MCTP1: variants seen among roughly 807,000 people sequenced by gnomAD.
MCTP1 encodes multiple C2 and transmembrane domain-containing protein 1.
In MCTP1, 69 loss-of-function variants were observed where a neutral mutation model predicts 120.6. The observed-to-expected ratio is 0.57, with a 90% confidence interval of 0.47 to 0.70. The LOEUF (loss-of-function observed/expected upper bound fraction) is 0.70. Ranked by LOEUF, MCTP1 falls within the 30% of genes least tolerant of loss-of-function variation. The pLI is 0.00. For missense variants in MCTP1, 1,203 were observed against 1,248.8 expected (o/e 0.96, Z 0.55); for synonymous variants, 529 against 493.1 (o/e 1.07, Z -0.96).
intron 19 of MCTP1, among the ~76,000 whole-genome samples, chr5:94,733,144 T>C (rs1225383315): frequency 2.6e-5 from 4 of 152,220 alleles, no homozygotes; most frequent in African/African-American, 9.6e-5. Flanking sequence ...TGGAAAATCA[T>C]TTTCAAAGTT....
chr5:95,004,962 G>A (rs1199716513), intron 2 of MCTP1, among the ~76,000 whole-genome samples: 2 of 152,170 alleles, frequency 1.3e-5, no homozygotes, highest in Non-Finnish European at 2.9e-5. Flanking sequence ...CATGTTCCTG[G>A]AAAAGCCGCA....
chr5:94,861,164 A>G (rs1309703500), intron 17 of MCTP1, among the ~76,000 whole-genome samples: 1 of 151,826 alleles, frequency 6.6e-6, no homozygotes, highest in Non-Finnish European at 1.5e-5. Flanking sequence ...GGCAAAGTAC[A>G]AGATGCACCA....
At chr5:95,244,141 A>C (rs895786776) in intron 1 of MCTP1, among the ~76,000 whole-genome samples, 2 of 152,254 alleles carry the variant, frequency 1.3e-5, no homozygotes, top group Admixed American at 1.3e-4. Context: ...GTTGCTTCCA[A>C]GATGGCTGAA....
intron 19 of MCTP1, among the ~76,000 whole-genome samples, chr5:94,725,768 A>G (rs1186440379): frequency 6.6e-6 from 1 of 152,164 alleles, no homozygotes; most frequent in Admixed American, 6.6e-5. Flanking sequence ...TAACTTCTTC[A>G]TCTGTAAAAT....
chr5:95,258,159 C>A lies in MCTP1; in HGVS notation c.720+25697G>T, dbSNP rs1401146429. Among the ~76,000 whole-genome samples the A allele has an allele frequency of 3.3e-5, 5 of 152,244 alleles. No homozygotes were observed. The East Asian group carries it at 9.6e-4, about 29-fold the overall frequency. ...TATGGAAAATGGGGTGGGGTGAGGG[C>A]AGGTAAAGTGCTGAATAACTTTACA... is the stretch of plus-strand genomic sequence containing the variant. On this transcript the variant is annotated intron_variant, in intron 1 of 22. Transcript: ENST00000515393.
chr5:95,088,176 G>A (rs1198198190), intron 1 of MCTP1, among the ~76,000 whole-genome samples: 4 of 152,174 alleles, frequency 2.6e-5, no homozygotes, highest in South Asian at 2.1e-4. Context: ...CTGGGCCCAC[G>A]GGGCTTTGGG....
chr5:94,871,263 T>C (rs1797807168), intron 14 of MCTP1, 52 bp downstream of exon 14: 3 of 1,119,246 alleles, frequency 2.7e-6, no homozygotes, highest in African/African-American at 3.1e-5. Flanking sequence ...TTTTTTTTTT[T>C]TTCCGTGAGC....
chr5:95,146,485 T>C (rs1050773114), intron 1 of MCTP1, among the ~76,000 whole-genome samples: 1 of 152,206 alleles, frequency 6.6e-6, no homozygotes, highest in Non-Finnish European at 1.5e-5. Context: ...GGTAATTAAT[T>C]TGAAATCTTT....
At chr5:94,714,220 T>C (rs986941787) in intron 20 of MCTP1, among the ~76,000 whole-genome samples, 1 of 152,316 alleles carries the variant, frequency 6.6e-6, no homozygotes, top group Non-Finnish European at 1.5e-5. Context: ...GATTCTGTTT[T>C]TATAATTTTA....
At chr5:94,858,514 G>A (rs1308957488) in intron 17 of MCTP1, among the ~76,000 whole-genome samples, 1 of 151,666 alleles carries the variant, frequency 6.6e-6, no homozygotes, top group Non-Finnish European at 1.5e-5. Flanking sequence ...CAAGGACCAG[G>A]AGTCCAATTT....
chr5:95,235,865 G>C (rs961720212), intron 1 of MCTP1, among the ~76,000 whole-genome samples: 1 of 152,190 alleles, frequency 6.6e-6, no homozygotes, highest in African/African-American at 2.4e-5. Context: ...AGAGAACCTA[G>C]TTGAGCCTCC....
intron 1 of MCTP1, among the ~76,000 whole-genome samples, chr5:95,184,515 G>A (rs758488381): frequency 2.0e-5 from 3 of 152,086 alleles, no homozygotes; most frequent in African/African-American, 2.4e-5. Flanking sequence ...GTTCATTCCC[G>A]GGTGTAGGGC....
At chr5:94,758,049 C>A (rs1383460213) in intron 19 of MCTP1, among the ~76,000 whole-genome samples, 1 of 151,992 alleles carries the variant, frequency 6.6e-6, no homozygotes, top group Non-Finnish European at 1.5e-5. Context: ...AAAATGAGAT[C>A]CAACAAAAGT....
At chr5:95,248,452 C>T in intron 1 of MCTP1, among the ~76,000 whole-genome samples, 1 of 152,116 alleles carries the variant, frequency 6.6e-6, no homozygotes, top group East Asian at 1.9e-4. Flanking sequence ...CCTAGGAATC[C>T]AAGTTACACA....
At chr5:95,170,625 T>G (rs1158994458) in intron 1 of MCTP1, among the ~76,000 whole-genome samples, 2 of 152,204 alleles carry the variant, frequency 1.3e-5, no homozygotes, top group Non-Finnish European at 2.9e-5. Context: ...TTAGGATAGT[T>G]AGCTCTTCTT....
chr5:94,812,242 AT>A (rs1783578851), intron 17 of MCTP1, among the ~76,000 whole-genome samples: 1 of 152,280 alleles, frequency 6.6e-6, no homozygotes, highest in Middle Eastern at 3.4e-3. Flanking sequence ...CTTGTTCACA[AT>A]TTACTTGAAT....
chr5:95,162,679 T>C (rs1398053119), intron 1 of MCTP1, among the ~76,000 whole-genome samples: 1 of 152,174 alleles, frequency 6.6e-6, no homozygotes, highest in Non-Finnish European at 1.5e-5. Context: ...ATCATTTTGG[T>C]AGCAAGGAAA....
At chr5:95,254,706 A>C (rs909788918) in intron 1 of MCTP1, among the ~76,000 whole-genome samples, 1 of 152,206 alleles carries the variant, frequency 6.6e-6, no homozygotes, top group Admixed American at 6.6e-5. Context: ...ACACATATTA[A>C]TTGCCAAGTT....
At chr5:95,160,348 G>A (rs1745582770) in intron 1 of MCTP1, among the ~76,000 whole-genome samples, 1 of 152,144 alleles carries the variant, frequency 6.6e-6, no homozygotes. Flanking sequence ...TACAAATGGA[G>A]AAGGAGTACA....
Sources: allele counts gnomAD v4.1 joint callset (sites outside exome capture counted in the v4.1 genomes callset), GRCh38; gene constraint gnomAD v4.1.1; transcripts MANE v1.5; gene names NCBI Gene and HGNC (gene_info 2026-07-23, HGNC 2026-07-21).